The following FAM124A variants were observed in gnomAD, a reference collection of about 807,000 sequenced individuals.
FAM124A encodes the protein family with sequence similarity 124 member A.
FAM124A carries 23 observed loss-of-function variants against 24.5 expected under a neutral mutation model. That is an observed-to-expected ratio of 0.94 (90% confidence interval 0.68 to 1.33). FAM124A has a LOEUF of 1.33. Among genes scored for constraint, FAM124A ranks in the 40% most tolerant of loss-of-function variants. The pLI is 0.00. For synonymous variants in FAM124A, 287 were observed against 314.7 expected, an observed-to-expected ratio of 0.91 and a Z score of 0.93; for missense variants, 623 against 722.8, an observed-to-expected ratio of 0.86 and a Z score of 1.58.
intron 2 of FAM124A, among the ~76,000 whole-genome samples, chr13:51,241,301 C>G (rs757744713): frequency 2.0e-5 from 3 of 151,938 alleles, no homozygotes; most frequent in Non-Finnish European, 2.9e-5. Flanking sequence ...CCATTCTCTG[C>G]GTCATTTAGA....
intron 2 of FAM124A, 142 bp downstream of exon 2, chr13:51,231,521 G>GA: frequency 3.5e-6 from 3 of 850,018 alleles, no homozygotes; most frequent in Non-Finnish European, 5.3e-6. Flanking sequence ...ACAGGATGCT[G>GA]TAACTCTGGA....
chr13:51,241,702 A>C (rs565186686), intron 2 of FAM124A, among the ~76,000 whole-genome samples: 2 of 151,040 alleles, frequency 1.3e-5, no homozygotes, highest in East Asian at 3.9e-4. Flanking sequence ...GTTATATTAA[A>C]ATTTTCAAAA....
intron 2 of FAM124A, among the ~76,000 whole-genome samples, chr13:51,237,617 G>A (rs886986755): frequency 3.3e-5 from 5 of 152,190 alleles, no homozygotes; most frequent in African/African-American, 1.2e-4. Context: ...ATCTTGGTGT[G>A]TGGCCATGGC....
intron 3 of FAM124A, among the ~76,000 whole-genome samples, chr13:51,257,679 T>A (rs1444293656): frequency 6.6e-6 from 1 of 152,170 alleles, no homozygotes; most frequent in Admixed American, 6.5e-5. Flanking sequence ...TACATTGGCC[T>A]GTTTTCTGTT....
Position 51,259,638 on chromosome 13 carries a change from T to G in FAM124A, c.834+7437T>G, listed in dbSNP as rs1025297875. 2.6e-5 allele frequency among the ~76,000 whole-genome samples: 4 copies of G among 152,146 alleles called. No homozygotes were observed. The South Asian group carries it at 8.3e-4, about 32-fold the overall frequency. ...GTCTTCCCGCAGTGAAACGCAGTTG[T>G]CCCTCTCTCATTCTCAGACACAGAT... is the stretch of plus-strand genomic sequence containing the variant. On this transcript the variant is annotated intron_variant, in intron 3 of 3. Transcript: ENST00000322475.
At chr13:51,252,328 C>T in intron 3 of FAM124A, 127 bp downstream of exon 3, 1 of 1,332,908 alleles carries the variant, frequency 7.5e-7, no homozygotes, top group Middle Eastern at 2.0e-4. Context: ...CTCTGCCCAG[C>T]TCCTAGTCGA....
chr13:51,235,322 T>C (rs950084243), intron 2 of FAM124A, among the ~76,000 whole-genome samples: 2 of 152,110 alleles, frequency 1.3e-5, no homozygotes, highest in South Asian at 2.1e-4. Context: ...TACATTCTTA[T>C]GCAGTTTAAA....
At chr13:51,280,388 G>A (rs984288335) in intron 3 of FAM124A, 62 bp from the exon 4 acceptor site, 2 of 1,415,742 alleles carry the variant, frequency 1.4e-6, no homozygotes, top group African/African-American at 2.9e-5. Context: ...TGGTAACTGT[G>A]TTTCCTGATG....
At chr13:51,263,787 G>T (rs549868329) in intron 3 of FAM124A, among the ~76,000 whole-genome samples, 1 of 152,270 alleles carries the variant, frequency 6.6e-6, no homozygotes, top group South Asian at 2.1e-4. Context: ...AAAAATTTCA[G>T]TGAATATATA....
In FAM124A at chr13:51,280,968, C is replaced by A; in HGVS notation, c.1353C>A (p.Ser451Arg). Reference protein sequence around the residue: ...VETPLPSERCSSHWAAHKDSR... With the variant: ...VETPLPSERCRSHWAAHKDSR... ...CACCCCTCCCCTCCGAAAGATGCAG[C>A]AGCCACTGGGCAGCTCACAAGGATT... Residue 451 changes from serine to arginine, a missense_variant, in exon 4 of 4, where the codon AGC becomes AGA. Ser to Arg is a moderately radical substitution (Grantham distance 110). Coordinates refer to ENST00000322475, the MANE Select transcript of FAM124A (RefSeq NM_001242312.2). 6.2e-7 allele frequency: 1 copy of A among 1,614,132 alleles called. No individual in the cohort carries two copies. The highest frequency in any genetic ancestry group is 1.1e-5 in the South Asian group (1 of 91,072).
Position 51,264,352 on chromosome 13 carries a change from G to C in FAM124A, c.834+12151G>C, listed in dbSNP as rs542716638. The stretch of plus-strand genomic sequence containing the variant: ...TCCTCAAAACCTGACCCTTCACCTT[G>C]TACATCCTCGGAAACTCAAACCCTG... On this transcript the variant is annotated intron_variant, in intron 3 of 3. Transcript: ENST00000322475. Among the ~76,000 whole-genome samples, 4 of 152,196 alleles carry C rather than the reference G, an allele frequency of 2.6e-5. No individual in the cohort carries two copies. In the East Asian group the frequency reaches 7.7e-4, roughly 29 times the overall value.
intron 3 of FAM124A, among the ~76,000 whole-genome samples, chr13:51,261,096 T>C (rs1954731529): frequency 6.6e-6 from 1 of 152,208 alleles, no homozygotes; most frequent in Admixed American, 6.5e-5. Context: ...ACTGATTTCA[T>C]CCCATTTGCA....
chr13:51,280,397 T>C (rs1436082489), intron 3 of FAM124A, 53 bp from the exon 4 acceptor site: 29 of 1,451,116 alleles, frequency 2.0e-5, no homozygotes, highest in Non-Finnish European at 2.5e-5. Flanking sequence ...TGTTTCCTGA[T>C]GCATTTAACA....
chr13:51,253,650 A>C (rs1954648533), intron 3 of FAM124A: 2 of 152,226 alleles, frequency 1.3e-5, no homozygotes, highest in Non-Finnish European at 1.5e-5. Flanking sequence ...TCCTTTTTGC[A>C]GTAATTAGAG....
rs1343851509 is a variant in FAM124A at position 51,281,355 on chromosome 13, C to T, written c.*99C>T. Reference sequence around the variant, plus strand: ...CTGAGCACACCACATTCTTCATGATCCATTTCCCAGGAGCCCGTAGCACAT... The same window carrying T: ...CTGAGCACACCACATTCTTCATGATTCATTTCCCAGGAGCCCGTAGCACAT... On this transcript the variant is annotated 3_prime_UTR_variant, in exon 4 of 4. Transcript: ENST00000322475. 2.4e-6 allele frequency: 3 copies of T among 1,238,182 alleles called. No individual in the cohort carries two copies. The highest frequency in any genetic ancestry group is 3.3e-6 in the Non-Finnish European group (3 of 919,568). 76.7% of individuals were successfully genotyped at this position (1,238,182 alleles called of 1,614,324 possible).
chr13:51,252,239 T>C, intron 3 of FAM124A, 38 bp downstream of exon 3: 1 of 1,593,254 alleles, frequency 6.3e-7, no homozygotes, highest in Non-Finnish European at 8.5e-7. Flanking sequence ...TTAGGGGACC[T>C]GAGAAACCAG....
intron 3 of FAM124A, among the ~76,000 whole-genome samples, chr13:51,264,179 C>T (rs1954763064): frequency 1.3e-5 from 2 of 152,186 alleles, no homozygotes; most frequent in Non-Finnish European, 2.9e-5. Flanking sequence ...CCCATGATTG[C>T]TATTTGTCCA....
chr13:51,226,094 G>A (rs532168853), intron 1 of FAM124A, among the ~76,000 whole-genome samples: 8 of 139,566 alleles, frequency 5.7e-5, no homozygotes, highest in Non-Finnish European at 9.0e-5. Context: ...CAAGGCTCAA[G>A]TAATCCTCCC....
chr13:51,243,952 G>T (rs532317789), intron 2 of FAM124A, among the ~76,000 whole-genome samples: 61 of 152,288 alleles, frequency 4.0e-4, no homozygotes, highest in African/African-American at 1.5e-3. Flanking sequence ...CTGGTTGGCA[G>T]ACCAGTATCC....
Sources: gnomAD v4.1 joint callset for allele counts (sites outside exome capture counted in the v4.1 genomes callset) on GRCh38, gnomAD v4.1.1 for gene constraint, MANE v1.5 for transcripts, NCBI Gene and HGNC (gene_info 2026-07-23, HGNC 2026-07-21) for gene names.